Variants in RALGAPA1 observed in about 807,000 individuals in gnomAD.
RALGAPA1 encodes Ral GTPase activating protein catalytic subunit alpha 1, also known as ral GTPase-activating protein subunit alpha-1.
Under a neutral mutation model 269.6 loss-of-function variants are expected in RALGAPA1, and 52 were observed. That is an observed-to-expected ratio of 0.19 (90% CI 0.15 to 0.24). The LOEUF (loss-of-function observed/expected upper bound fraction) is 0.24. RALGAPA1 is among the 10% of genes least tolerant of loss of function. The pLI is 1.00. For synonymous variants in RALGAPA1, 817 were observed against 1,008.3 expected (o/e 0.81, Z 3.60); for missense variants, 1,917 against 3,013.9 (o/e 0.64, Z 8.52).
intron 35 of RALGAPA1, among the ~76,000 whole-genome samples, chr14:35,624,234 C>A (rs7144809): frequency 1 from 137,625 of 137,632 alleles, 68,809 homozygotes; most frequent in Middle Eastern, 1. Context: ...AAAAAGGAGT[C>A]CAGTGTTATA....
intron 38 of RALGAPA1, among the ~76,000 whole-genome samples, chr14:35,572,198 A>C: frequency 6.6e-6 from 1 of 152,208 alleles, no homozygotes; most frequent in Admixed American, 6.5e-5. Context: ...AACTAAAAAT[A>C]TAGGAATCAT....
chr14:35,673,501 G>A (rs1235283209), intron 24 of RALGAPA1, among the ~76,000 whole-genome samples: 2 of 152,218 alleles, frequency 1.3e-5, no homozygotes, highest in Non-Finnish European at 2.9e-5. Context: ...CAAGGCTGCA[G>A]TGAGCTGTGA....
chr14:35,753,277 C>T (rs1324707149), intron 7 of RALGAPA1, among the ~76,000 whole-genome samples: 2 of 152,150 alleles, frequency 1.3e-5, no homozygotes, highest in Admixed American at 6.5e-5. Flanking sequence ...TAAACATTAA[C>T]ACATGAATTC....
At chr14:35,646,776 A>G (rs1292129826) in intron 31 of RALGAPA1, among the ~76,000 whole-genome samples, 1 of 152,328 alleles carries the variant, frequency 6.6e-6, no homozygotes, top group Non-Finnish European at 1.5e-5. Context: ...TTGTGGTTAT[A>G]TAAGAGAATT....
intron 37 of RALGAPA1, among the ~76,000 whole-genome samples, chr14:35,589,475 C>T (rs1259596991): frequency 1.3e-5 from 2 of 152,040 alleles, no homozygotes; most frequent in Admixed American, 1.3e-4. Flanking sequence ...AGCTATTCCA[C>T]AGTGTTTACA....
intron 39 of RALGAPA1, among the ~76,000 whole-genome samples, chr14:35,551,643 C>G (rs4441166): frequency 6.6e-6 from 1 of 151,962 alleles, no homozygotes; most frequent in Non-Finnish European, 1.5e-5. Context: ...GTTAATATTT[C>G]TAAAGCAGGG....
intron 36 of RALGAPA1, among the ~76,000 whole-genome samples, chr14:35,599,966 T>C (rs997111623): frequency 6.6e-6 from 1 of 152,130 alleles, no homozygotes; most frequent in African/African-American, 2.4e-5. Flanking sequence ...TACTATAGAT[T>C]TCTTTTGATT....
At position 35,595,744 on chromosome 14, in the gene RALGAPA1, T is replaced by C; in HGVS notation, c.7099A>G (p.Asn2367Asp). Residue 2367 changes from asparagine (N) to aspartate (D), a missense_variant, in exon 37 of 42, where the codon AAC becomes GAC. Asn to Asp is a conservative substitution (Grantham distance 23). This residue lies in a region of RALGAPA1 where 132 missense variants were observed against 271.2 expected (regional missense o/e 0.49). Transcript: ENST00000680220. ...HCGFMGGLQK[N>D]KSTGLTTPYF... is the part of the protein sequence containing the mutation. ...GGAGTGGTCAATCCAGTGCTTTTGT[T>C]TTTTTGTAGTCCTCCCATAAAACCA... 6.2e-7 allele frequency: 1 copy of C among 1,612,816 alleles called. No homozygotes were observed. Among genetic ancestry groups the C allele is most frequent in the East Asian group, 2.2e-5 (1 of 44,804 alleles).
intron 30 of RALGAPA1, among the ~76,000 whole-genome samples, chr14:35,653,546 G>A (rs1225315814): frequency 6.6e-6 from 1 of 152,122 alleles, no homozygotes. Flanking sequence ...AAAGGAATCT[G>A]TACATGATTC....
chr14:35,766,175 C>G (rs889233682), intron 4 of RALGAPA1: 1 of 851,234 alleles, frequency 1.2e-6, no homozygotes, highest in South Asian at 1.3e-5. Flanking sequence ...CAAACTATGG[C>G]TTAGTTTCCC....
chr14:35,742,973 C>A (rs2071707006), intron 10 of RALGAPA1, among the ~76,000 whole-genome samples: 1 of 152,136 alleles, frequency 6.6e-6, no homozygotes, highest in South Asian at 2.1e-4. Flanking sequence ...CAGTCCTGGA[C>A]AGGATGCCAT....
intron 39 of RALGAPA1, among the ~76,000 whole-genome samples, chr14:35,554,687 T>TG (rs1038538895): frequency 9.2e-5 from 14 of 152,278 alleles, no homozygotes; most frequent in African/African-American, 3.1e-4. Context: ...ACCCGATTCT[T>TG]GGGGGCAGAT....
chr14:35,721,383 C>T (rs1379828977), intron 16 of RALGAPA1, among the ~76,000 whole-genome samples: 1 of 152,134 alleles, frequency 6.6e-6, no homozygotes, highest in African/African-American at 2.4e-5. Context: ...TCAGTTAATG[C>T]TTGAGTTCTG....
intron 37 of RALGAPA1, among the ~76,000 whole-genome samples, chr14:35,573,786 A>T (rs1048064879): frequency 1.3e-5 from 2 of 152,160 alleles, no homozygotes; most frequent in Non-Finnish European, 2.9e-5. Flanking sequence ...TGACATTTTT[A>T]AAAAGCAAAA....
chr14:35,570,546 A>G (rs1448174337), intron 39 of RALGAPA1, 71 bp downstream of exon 39: 5 of 1,241,106 alleles, frequency 4.0e-6, no homozygotes, highest in African/African-American at 1.6e-5. Context: ...CTTTAACAAT[A>G]TATAAGAAAT....
intron 31 of RALGAPA1, among the ~76,000 whole-genome samples, chr14:35,638,094 G>A (rs1025538274): frequency 1.2e-4 from 19 of 152,166 alleles, no homozygotes; most frequent in African/African-American, 3.9e-4. Context: ...TGAAAGAAAA[G>A]AATGTTAATG....
intron 12 of RALGAPA1, 98 bp from the exon 13 acceptor site, chr14:35,728,608 C>T: frequency 7.3e-7 from 1 of 1,377,288 alleles, no homozygotes; most frequent in South Asian, 2.2e-5. Context: ...TGGGTAAATT[C>T]TACAAGCTTA....
intron 1 of RALGAPA1, among the ~76,000 whole-genome samples, chr14:35,794,971 TG>T (rs2076456535): frequency 6.6e-6 from 1 of 152,190 alleles, no homozygotes; most frequent in Non-Finnish European, 1.5e-5. Flanking sequence ...AAGTAAAAAA[TG>T]GGGACCAAGT....
chr14:35,571,886 CA>C (rs1232302354), intron 38 of RALGAPA1, among the ~76,000 whole-genome samples: 1 of 152,146 alleles, frequency 6.6e-6, no homozygotes, highest in Non-Finnish European at 1.5e-5. Context: ...GAAATTCATA[CA>C]TGAGAAACTT....
Sources: gnomAD v4.1 joint callset for allele counts (sites outside exome capture counted in the v4.1 genomes callset) on GRCh38, gnomAD v4.1.1 for gene constraint, gnomAD v4.1.1 regional missense constraint, MANE v1.5 for transcripts, NCBI Gene and HGNC (gene_info 2026-07-23, HGNC 2026-07-21) for gene names.